CPNE4: variants seen among roughly 807,000 people sequenced by gnomAD.
CPNE4 encodes the protein copine-4.
CPNE4 carries 25 observed loss-of-function variants against 67.9 expected under a neutral mutation model. The observed-to-expected ratio is 0.37, with a 90% CI of 0.27 to 0.51. The LOEUF is 0.51. CPNE4 is among the 20% of genes least tolerant of loss of function. CPNE4 has a pLI of 0.93. For missense variants in CPNE4, 464 were observed against 690.8 expected (o/e 0.67, Z 3.68); for synonymous variants, 242 against 244.9 (o/e 0.99, Z 0.11).
At chr3:131,755,843 A>C (rs1159167044) in intron 2 of CPNE4, among the ~76,000 whole-genome samples, 1 of 152,232 alleles carries the variant, frequency 6.6e-6, no homozygotes, top group African/African-American at 2.4e-5. Flanking sequence ...CAGGGTTGCT[A>C]GTATTTTGAA....
chr3:131,696,442 A>T, intron 5 of CPNE4, 100 bp downstream of exon 5: 1 of 1,073,082 alleles, frequency 9.3e-7, no homozygotes, highest in Non-Finnish European at 1.4e-6. Context: ...CTGTTTGATA[A>T]TGTGGGTGGA....
chr3:131,965,453 C>A (rs1195247402), intron 1 of CPNE4, among the ~76,000 whole-genome samples: 2 of 152,150 alleles, frequency 1.3e-5, no homozygotes, highest in Non-Finnish European at 2.9e-5. Flanking sequence ...AATCAAGACC[C>A]ACTGGTGTGC....
At chr3:131,885,543 A>AT (rs1247183652) in intron 2 of CPNE4, among the ~76,000 whole-genome samples, 1 of 149,696 alleles carries the variant, frequency 6.7e-6, no homozygotes, top group Non-Finnish European at 1.5e-5. Flanking sequence ...TAATTTTTTT[A>AT]TTTTTTTATT....
chr3:131,753,397 A>G (rs936190856), intron 2 of CPNE4, among the ~76,000 whole-genome samples: 2 of 152,140 alleles, frequency 1.3e-5, no homozygotes, highest in South Asian at 2.1e-4. Context: ...GTCTAGAAAC[A>G]TAGAAGTTTT....
At chr3:131,827,038 A>AAAAAC (rs1356853457) in intron 2 of CPNE4, among the ~76,000 whole-genome samples, 2 of 151,992 alleles carry the variant, frequency 1.3e-5, no homozygotes, top group African/African-American at 2.4e-5. Flanking sequence ...ACCTGACTCT[A>AAAAAC]AAAACAAAAC....
chr3:131,747,500 G>A (rs932588641), intron 2 of CPNE4, among the ~76,000 whole-genome samples: 2 of 151,522 alleles, frequency 1.3e-5, no homozygotes, highest in Admixed American at 6.6e-5. Context: ...GCAACTGTAA[G>A]TGTTGGTTTT....
At chr3:131,619,282 G>T (rs961569670) in intron 7 of CPNE4, among the ~76,000 whole-genome samples, 1 of 152,198 alleles carries the variant, frequency 6.6e-6, no homozygotes, top group African/African-American at 2.4e-5. Context: ...AGCTCTGAAA[G>T]CCTGTGTAAT....
intron 2 of CPNE4, among the ~76,000 whole-genome samples, chr3:131,766,186 CTTGAG>C (rs1237259293): frequency 1.3e-5 from 2 of 152,134 alleles, no homozygotes; most frequent in African/African-American, 2.4e-5. Context: ...GGCCAAGCTA[CTTGAG>C]TTTTGTCCAA....
intron 13 of CPNE4, among the ~76,000 whole-genome samples, chr3:131,552,123 A>G (rs1936214189): frequency 6.6e-6 from 1 of 151,558 alleles, no homozygotes; most frequent in African/African-American, 2.4e-5. Flanking sequence ...GGGATATTGT[A>G]TCACTGCCTA....
intron 1 of CPNE4, among the ~76,000 whole-genome samples, chr3:131,982,818 G>A (rs192272738): frequency 1.3e-4 from 19 of 151,858 alleles, no homozygotes; most frequent in Non-Finnish European, 2.9e-5. Context: ...CTTATAATAA[G>A]GAAACTTTAA....
rs1029439681 is a variant in CPNE4, at chr3:131,533,915, C to T, written c.*1280G>A. On this transcript the variant is annotated 3_prime_UTR_variant, in exon 16 of 16. Coordinates refer to ENST00000429747, the MANE Select transcript of CPNE4 (RefSeq NM_130808.3). ...AAACATTCGTCCTTTTGGTTCCAGA[C>T]TGGCCAGCTTATATTGAAACAAAAC... The T allele has an allele frequency of 1.3e-5, 2 of 152,194 alleles. No individual in the cohort carries two copies. Among genetic ancestry groups the T allele is most frequent in the African/African-American group, 4.8e-5 (2 of 41,450 alleles). The allele number at this position is 152,194 out of a possible 1,614,324, so 9.4% of individuals were successfully genotyped here.
intron 1 of CPNE4, among the ~76,000 whole-genome samples, chr3:131,942,515 A>AGAGAGAGC (rs2071432230): frequency 8.6e-6 from 1 of 115,710 alleles, no homozygotes; most frequent in African/African-American, 3.3e-5. Context: ...AGAGAGAGAG[A>AGAGAGAGC]TCATTTTATT....
At chr3:131,982,119 T>C (rs958051613) in intron 1 of CPNE4, among the ~76,000 whole-genome samples, 40 of 152,230 alleles carry the variant, frequency 2.6e-4, no homozygotes, top group African/African-American at 8.9e-4. Context: ...CTTCTTTTTA[T>C]GTTTCTTTAA....
chr3:131,828,807 T>A (rs1027908329), intron 2 of CPNE4, among the ~76,000 whole-genome samples: 4 of 152,126 alleles, frequency 2.6e-5, no homozygotes, highest in Admixed American at 2.0e-4. Context: ...CTGCCCTCCA[T>A]CCTGGGTGAC....
At chr3:131,608,551 G>T (rs542228716) in intron 7 of CPNE4, among the ~76,000 whole-genome samples, 11 of 152,256 alleles carry the variant, frequency 7.2e-5, no homozygotes, top group African/African-American at 2.6e-4. Context: ...GCACTGCACA[G>T]TGTTGGTTAT....
chr3:131,751,163 A>C (rs2082615233), intron 2 of CPNE4, among the ~76,000 whole-genome samples: 1 of 152,070 alleles, frequency 6.6e-6, no homozygotes, highest in African/African-American at 2.4e-5. Flanking sequence ...AGTTTCACTC[A>C]TCTTGTTGAA....
chr3:131,668,562 A>G (rs1308246602), intron 7 of CPNE4, among the ~76,000 whole-genome samples: 1 of 152,186 alleles, frequency 6.6e-6, no homozygotes, highest in Non-Finnish European at 1.5e-5. Context: ...TTTGCCCACA[A>G]GAAAATGCCC....
chr3:131,999,241 TAAA>T (rs79127364), intron 1 of CPNE4, among the ~76,000 whole-genome samples: 11,125 of 98,526 alleles, frequency 0.11, 638 homozygotes, highest in Middle Eastern at 0.14. Flanking sequence ...TTATCCAAGG[TAAA>T]AAAAAAAAAA....
At chr3:131,959,793 A>T (rs1482672753) in intron 1 of CPNE4, among the ~76,000 whole-genome samples, 1 of 152,094 alleles carries the variant, frequency 6.6e-6, no homozygotes, top group African/African-American at 2.4e-5. Context: ...TGAGCTGCCC[A>T]CTCACACAAA....
Sources: allele counts gnomAD v4.1 joint callset (sites outside exome capture counted in the v4.1 genomes callset), GRCh38; gene constraint gnomAD v4.1.1; transcripts MANE v1.5; gene names NCBI Gene and HGNC (gene_info 2026-07-23, HGNC 2026-07-21).